GALNT1: variants seen among roughly 807,000 people sequenced by gnomAD.
The protein encoded by GALNT1 is polypeptide N-acetylgalactosaminyltransferase 1.
GALNT1 carries 17 observed loss-of-function variants against 65.7 expected under a neutral mutation model. The observed-to-expected ratio is 0.26, with a 90% CI of 0.18 to 0.39. GALNT1 has a LOEUF of 0.39. Ranked by LOEUF, GALNT1 falls within the 10% of genes least tolerant of loss-of-function variation. GALNT1 has a pLI of 1.00. For synonymous variants in GALNT1, 210 were observed against 219.7 expected (o/e 0.96, Z 0.39); for missense variants, 460 against 672.8 (o/e 0.68, Z 3.50).
chr18:35,647,557 T>C (rs904270231), intron 1 of GALNT1, among the ~76,000 whole-genome samples: 3 of 152,244 alleles, frequency 2.0e-5, no homozygotes, highest in Non-Finnish European at 4.4e-5. Context: ...CTTTTTTAAG[T>C]CTTTTAGTTT....
intron 1 of GALNT1, among the ~76,000 whole-genome samples, chr18:35,642,375 T>A (rs570590432): frequency 3.3e-5 from 5 of 152,210 alleles, no homozygotes; most frequent in Non-Finnish European, 5.9e-5. Context: ...TTTCCACTTA[T>A]AAGCACTTCA....
At chr18:35,637,386 A>C (rs2047105099) in intron 1 of GALNT1, among the ~76,000 whole-genome samples, 1 of 152,224 alleles carries the variant, frequency 6.6e-6, no homozygotes, top group Non-Finnish European at 1.5e-5. Context: ...TCCAGTGAAC[A>C]CACAAATGAT....
chr18:35,625,236 C>T (rs144258032), intron 1 of GALNT1, among the ~76,000 whole-genome samples: 21 of 152,184 alleles, frequency 1.4e-4, no homozygotes, highest in African/African-American at 1.9e-4. Flanking sequence ...CACTGGCACA[C>T]GGTGGGTGAA....
intron 9 of GALNT1, among the ~76,000 whole-genome samples, chr18:35,696,453 C>T (rs1404272403): frequency 2.0e-5 from 3 of 152,204 alleles, no homozygotes; most frequent in Non-Finnish European, 2.9e-5. Context: ...TTCGTAGTTC[C>T]TGTAGGACCT....
rs1166987925 is a variant in GALNT1, at chr18:35,645,218, G to GTTT, written c.-103-9318_-103-9316dup. Among the ~76,000 whole-genome samples, 47 of 54,370 alleles carry GTTT rather than the reference G, an allele frequency of 8.6e-4. 2 individuals are homozygous for GTTT. Among genetic ancestry groups the GTTT allele is most frequent in the Non-Finnish European group, 1.0e-3 (30 of 29,130 alleles). 35.7% of individuals were successfully genotyped at this position (54,370 alleles called of 152,430 possible). A position where few individuals can be genotyped will look rare whatever the true frequency, so the allele number is the denominator to read the frequency against. Reference sequence around the variant, plus strand: ...TTGGGTTTTCATAGCTATTTTGAATGTTTTTTTTTTTTTTTTTTTTTTTTT... The same window carrying GTTT: ...TTGGGTTTTCATAGCTATTTTGAATGTTTTTTTTTTTTTTTTTTTTTTTTTTTT... On this transcript the variant is annotated intron_variant, in intron 1 of 11. Transcript: ENST00000269195.
chr18:35,698,279 C>G (rs2048094427), intron 9 of GALNT1, among the ~76,000 whole-genome samples: 1 of 151,952 alleles, frequency 6.6e-6, no homozygotes, highest in African/African-American at 2.4e-5. Context: ...ACCAGCCTGG[C>G]CAACATGCCG....
intron 9 of GALNT1, among the ~76,000 whole-genome samples, chr18:35,695,624 T>C (rs938772997): frequency 1.3e-5 from 2 of 152,204 alleles, no homozygotes; most frequent in Non-Finnish European, 2.9e-5. Context: ...TACGCATTTA[T>C]CCTAACAGTT....
At chr18:35,705,737 A>G (rs950290013) in intron 11 of GALNT1, among the ~76,000 whole-genome samples, 1 of 152,250 alleles carries the variant, frequency 6.6e-6, no homozygotes, top group African/African-American at 2.4e-5. Flanking sequence ...TTAGAAACCT[A>G]TTTATTATAG....
chr18:35,659,684 A>T (rs997240889), intron 2 of GALNT1, among the ~76,000 whole-genome samples: 5 of 152,154 alleles, frequency 3.3e-5, no homozygotes, highest in African/African-American at 9.7e-5. Flanking sequence ...AATATTAATG[A>T]TTTAACTTTT....
intron 2 of GALNT1, among the ~76,000 whole-genome samples, chr18:35,656,649 C>A (rs545499160): frequency 1.2e-4 from 19 of 152,260 alleles, no homozygotes; most frequent in Admixed American, 3.3e-4. Flanking sequence ...CACACAAGGC[C>A]TTTTATGGCA....
intron 4 of GALNT1, among the ~76,000 whole-genome samples, chr18:35,678,216 C>T (rs917142754): frequency 6.6e-6 from 1 of 152,070 alleles, no homozygotes; most frequent in Non-Finnish European, 1.5e-5. Flanking sequence ...CCAGATTTTT[C>T]TTAGGTTTCC....
chr18:35,702,755 C>T (rs1192009165), intron 9 of GALNT1, 142 bp from the exon 10 acceptor site: 2 of 450,942 alleles, frequency 4.4e-6, no homozygotes, highest in African/African-American at 4.0e-5. Flanking sequence ...ATTTTAGATA[C>T]TCAGACAGCG....
intron 1 of GALNT1, among the ~76,000 whole-genome samples, chr18:35,592,052 T>C (rs1181779066): frequency 1.3e-5 from 2 of 152,086 alleles, no homozygotes; most frequent in South Asian, 2.1e-4. Context: ...CTGCATCTTG[T>C]TGGGAGAGGT....
intron 2 of GALNT1, among the ~76,000 whole-genome samples, chr18:35,658,709 C>CTT (rs112714564): frequency 1.0e-4 from 14 of 137,628 alleles, no homozygotes; most frequent in African/African-American, 1.1e-4. Context: ...CAAAGTTTCT[C>CTT]TTTTTTTTTT....
intron 3 of GALNT1, 26 bp from the exon 4 acceptor site, chr18:35,677,565 T>C: frequency 6.3e-7 from 1 of 1,583,584 alleles, no homozygotes; most frequent in Non-Finnish European, 8.6e-7. Context: ...AGTCACTTTT[T>C]ATAAAGGCAT....
chr18:35,695,577 C>A (rs754093729), intron 9 of GALNT1, among the ~76,000 whole-genome samples: 31 of 152,218 alleles, frequency 2.0e-4, no homozygotes, highest in Middle Eastern at 3.4e-3. Context: ...AGCCATCTGG[C>A]CTGGTGTTTT....
At chr18:35,631,405 C>T (rs1200617767) in intron 1 of GALNT1, among the ~76,000 whole-genome samples, 14 of 152,200 alleles carry the variant, frequency 9.2e-5, no homozygotes, top group Middle Eastern at 3.4e-3. Flanking sequence ...GTTCAACATA[C>T]GCAAATCAAT....
At chr18:35,703,749 C>A in intron 11 of GALNT1, 106 bp downstream of exon 11, 2 of 1,113,624 alleles carry the variant, frequency 1.8e-6, no homozygotes, top group Non-Finnish European at 2.5e-6. Flanking sequence ...GAATATGGAT[C>A]AAACTTGTCT....
chr18:35,645,509 C>T (rs1168922626), intron 1 of GALNT1, among the ~76,000 whole-genome samples: 4 of 152,134 alleles, frequency 2.6e-5, no homozygotes, highest in Non-Finnish European at 5.9e-5. Context: ...GGATTATAGG[C>T]GTGAGCTGCC....
Sources: allele counts gnomAD v4.1 joint callset (sites outside exome capture counted in the v4.1 genomes callset), GRCh38; gene constraint gnomAD v4.1.1; transcripts MANE v1.5; gene names NCBI Gene and HGNC (gene_info 2026-07-23, HGNC 2026-07-21).